Variants in ASTN1 observed in about 807,000 individuals in gnomAD.
ASTN1 encodes astrotactin-1.
ASTN1 carries 41 observed loss-of-function variants against 140.7 expected under a neutral mutation model. The observed-to-expected ratio is 0.29, with a 90% CI of 0.23 to 0.38. ASTN1 has a LOEUF of 0.38. Among genes scored for constraint, ASTN1 ranks in the 10% least tolerant of loss-of-function variants. The pLI is 1.00. For synonymous variants in ASTN1, 640 were observed against 652.2 expected (o/e 0.98, Z 0.29); for missense variants, 1,479 against 1,678.8 (o/e 0.88, Z 2.08).
chr1:177,147,441 G>A (rs1682769730), intron 1 of ASTN1, among the ~76,000 whole-genome samples: 1 of 152,082 alleles, frequency 6.6e-6, no homozygotes, highest in African/African-American at 2.4e-5. Context: ...TGCAGGGGTA[G>A]GCAAATAGAG....
intron 16 of ASTN1, among the ~76,000 whole-genome samples, chr1:176,905,266 G>A (rs1477488954): frequency 6.6e-6 from 1 of 152,210 alleles, no homozygotes; most frequent in Admixed American, 6.5e-5. Flanking sequence ...GAGGGTGCCT[G>A]ATATGAGTCT....
chr1:177,066,417 A>G (rs765171753), intron 1 of ASTN1, among the ~76,000 whole-genome samples: 6 of 152,242 alleles, frequency 3.9e-5, no homozygotes, highest in Non-Finnish European at 5.9e-5. Flanking sequence ...TGGGAAGAAG[A>G]GTGAGATGAA....
intron 15 of ASTN1, chr1:176,935,921 C>T (rs1385509589): frequency 2.8e-6 from 1 of 360,576 alleles, no homozygotes; most frequent in African/African-American, 2.1e-5. Flanking sequence ...ATGCTCTTTG[C>T]ATTTGGAATG....
At chr1:177,064,084 T>C (rs78967650) in intron 1 of ASTN1, among the ~76,000 whole-genome samples, 19,925 of 151,980 alleles carry the variant, frequency 0.13, 1,645 homozygotes, top group African/African-American at 0.24. Flanking sequence ...GGCAAGGTTC[T>C]TAGACCAAGG....
chr1:177,066,396 G>A (rs1468626704), intron 1 of ASTN1, among the ~76,000 whole-genome samples: 1 of 152,234 alleles, frequency 6.6e-6, no homozygotes, highest in Admixed American at 6.5e-5. Flanking sequence ...ATCAGGGATA[G>A]GGAAAGGCAG....
intron 2 of ASTN1, among the ~76,000 whole-genome samples, chr1:177,050,771 C>T (rs1004517606): frequency 6.6e-6 from 1 of 152,162 alleles, no homozygotes; most frequent in African/African-American, 2.4e-5. Flanking sequence ...CTTAAAGATA[C>T]GTAACAGTCC....
rs534016728 is a variant in ASTN1, at chr1:176,880,283, G to A, written c.3362+2576C>T. 4.6e-5 allele frequency among the ~76,000 whole-genome samples: 7 copies of A among 152,150 alleles called. No homozygotes were observed. In the East Asian group the frequency reaches 5.8e-4, roughly 13 times the overall value. ...GAAACTTGATGTGAGTGGAGGACTCGTAAGCCCCCTGCTAAGGACTGGCTC... is the reference window on the plus strand; with the variant it reads ...GAAACTTGATGTGAGTGGAGGACTCATAAGCCCCCTGCTAAGGACTGGCTC... On this transcript the variant is annotated intron_variant, in intron 20 of 22. Coordinates refer to ENST00000361833, the MANE Select transcript of ASTN1 (RefSeq NM_004319.3).
chr1:177,052,039 A>T (rs973437902), intron 2 of ASTN1, among the ~76,000 whole-genome samples: 1 of 152,192 alleles, frequency 6.6e-6, no homozygotes, highest in Non-Finnish European at 1.5e-5. Flanking sequence ...ATCATCCTAA[A>T]TCATAAGACG....
chr1:176,895,321 T>C (rs908441586), intron 16 of ASTN1, among the ~76,000 whole-genome samples: 2 of 152,246 alleles, frequency 1.3e-5, no homozygotes, highest in African/African-American at 4.8e-5. Context: ...TTAGGAAGCC[T>C]GTACTATAAA....
At chr1:177,022,219 G>T (rs1445441275) in intron 7 of ASTN1, among the ~76,000 whole-genome samples, 1 of 152,138 alleles carries the variant, frequency 6.6e-6, no homozygotes, top group Non-Finnish European at 1.5e-5. Flanking sequence ...CTCAGCACCT[G>T]AAGAAGATGC....
intron 14 of ASTN1, among the ~76,000 whole-genome samples, chr1:176,937,941 G>T (rs183803956): frequency 3.9e-5 from 6 of 152,170 alleles, no homozygotes; most frequent in African/African-American, 1.4e-4. Context: ...GATCAAATTA[G>T]GTGAGTAATT....
chr1:176,940,032 T>C (rs577462998), intron 14 of ASTN1, among the ~76,000 whole-genome samples: 5 of 152,334 alleles, frequency 3.3e-5, no homozygotes, highest in African/African-American at 1.2e-4. Context: ...TAAAAAATTC[T>C]GAAGAGCCCA....
chr1:177,010,828 T>C (rs986283399), intron 8 of ASTN1, among the ~76,000 whole-genome samples: 1 of 152,220 alleles, frequency 6.6e-6, no homozygotes, highest in Non-Finnish European at 1.5e-5. Context: ...ATTTTAGGAA[T>C]ATGTTTTACT....
intron 8 of ASTN1, among the ~76,000 whole-genome samples, chr1:176,981,959 T>TG (rs1349701600): frequency 1.1e-4 from 16 of 152,166 alleles, no homozygotes; most frequent in Non-Finnish European, 1.5e-4. Flanking sequence ...GATTGGTGCC[T>TG]GTTACATTGT....
At chr1:176,932,103 T>G (rs558714543) in intron 16 of ASTN1, among the ~76,000 whole-genome samples, 1 of 152,318 alleles carries the variant, frequency 6.6e-6, no homozygotes, top group East Asian at 1.9e-4. Context: ...ACTGGTAAAC[T>G]TCCTTTCCTA....
At chr1:177,044,562 C>T (rs1677131728) in intron 2 of ASTN1, among the ~76,000 whole-genome samples, 1 of 152,226 alleles carries the variant, frequency 6.6e-6, no homozygotes, top group Non-Finnish European at 1.5e-5. Context: ...AATTGAGCGG[C>T]AGCTCTTCCC....
In ASTN1 at chr1:176,949,224, G is replaced by A. The variant is rs368676554; in HGVS notation, c.2015C>T (p.Pro672Leu). ...QLCLQQMAPF[P>L]DDPTLYNILM... ...GATGTTATACAAGGTGGGGTCGTCC[G>A]GGAAGGGCGCCATCTGCTGGAGGCA... The change falls in exon 12 of 23, where the codon CCG becomes CTG. Residue 672 changes from proline (P) to leucine (L), a missense_variant. Physicochemically the swap from Pro to Leu is moderately conservative, Grantham distance 98. Coordinates refer to ENST00000361833, the MANE Select transcript of ASTN1 (RefSeq NM_004319.3). 6.2e-7 allele frequency: 1 copy of A among 1,614,050 alleles called. No individual in the cohort carries two copies. Among genetic ancestry groups the A allele is most frequent in the Non-Finnish European group, 8.5e-7 (1 of 1,180,030 alleles).
chr1:177,140,482 T>G (rs1012901701), intron 1 of ASTN1, among the ~76,000 whole-genome samples: 1 of 152,220 alleles, frequency 6.6e-6, no homozygotes, highest in African/African-American at 2.4e-5. Flanking sequence ...CAAGGCTAAC[T>G]TCCTTTATCC....
At chr1:177,134,310 C>T (rs959005315) in intron 1 of ASTN1, among the ~76,000 whole-genome samples, 1 of 152,236 alleles carries the variant, frequency 6.6e-6, no homozygotes, top group Non-Finnish European at 1.5e-5. Flanking sequence ...CTCCACCACT[C>T]ATTATCTACT....
Sources: gnomAD v4.1 joint callset for allele counts (sites outside exome capture counted in the v4.1 genomes callset) on GRCh38, gnomAD v4.1.1 for gene constraint, MANE v1.5 for transcripts, NCBI Gene and HGNC (gene_info 2026-07-23, HGNC 2026-07-21) for gene names.